The following PLCL1 variants were observed in gnomAD, a reference collection of about 807,000 sequenced individuals.
The protein encoded by PLCL1 is inactive phospholipase C-like protein 1.
In PLCL1, 41 loss-of-function variants were observed where a neutral mutation model predicts 84.4. The observed-to-expected ratio is 0.49, with a 90% CI of 0.38 to 0.63. The LOEUF (loss-of-function observed/expected upper bound fraction) is 0.63, where lower values mean the gene tolerates loss of function less well. PLCL1 is among the 30% of genes least tolerant of loss of function. The pLI, the probability that PLCL1 is intolerant of heterozygous loss-of-function variation, is 0.00. For missense variants in PLCL1, 1,206 were observed against 1,367.8 expected (o/e 0.88, Z 1.87); for synonymous variants, 490 against 488.3 (o/e 1.00, Z -0.05).
intron 1 of PLCL1, among the ~76,000 whole-genome samples, chr2:197,837,875 C>T (rs955415490): frequency 5.3e-5 from 8 of 152,046 alleles, no homozygotes; most frequent in Non-Finnish European, 1.2e-4. Context: ...ACCAGGGAAG[C>T]GAAACAGCAG....
intron 5 of PLCL1, among the ~76,000 whole-genome samples, chr2:198,135,818 C>G (rs1312261074): frequency 6.6e-6 from 1 of 152,184 alleles, no homozygotes; most frequent in Non-Finnish European, 1.5e-5. Flanking sequence ...GATTTCAGCT[C>G]ATTTTTACTT....
At position 198,053,626 on chromosome 2, in the gene PLCL1, A is replaced by T. The variant is rs974546460; in HGVS notation, c.241-30132A>T. On this transcript the variant is annotated intron_variant, in intron 1 of 5. Coordinates refer to ENST00000428675, the MANE Select transcript of PLCL1 (RefSeq NM_006226.4). ...TTTTTAGAATGTTGGAGTGGTTCCT[A>T]TTTCCCTCATTGGACCCTTATTGAT... is the stretch of plus-strand genomic sequence containing the variant. 2.0e-5 allele frequency among the ~76,000 whole-genome samples: 3 copies of T among 152,228 alleles called. No individual in the cohort carries two copies. In the South Asian group the frequency reaches 6.2e-4, roughly 32 times the overall value.
intron 5 of PLCL1, among the ~76,000 whole-genome samples, chr2:198,134,118 T>C (rs1029790884): frequency 2.0e-5 from 3 of 151,966 alleles, no homozygotes; most frequent in African/African-American, 7.3e-5. Context: ...TTGTGTAGGG[T>C]TGAAAAATCT....
chr2:198,016,730 G>C (rs146725125), intron 1 of PLCL1, among the ~76,000 whole-genome samples: 1 of 152,154 alleles, frequency 6.6e-6, no homozygotes, highest in South Asian at 2.1e-4. Context: ...AACTTTGAAC[G>C]AACTTGAGGT....
intron 1 of PLCL1, among the ~76,000 whole-genome samples, chr2:197,938,871 T>G (rs1303783515): frequency 1.3e-5 from 2 of 152,134 alleles, no homozygotes; most frequent in African/African-American, 4.8e-5. Flanking sequence ...TTGTGCAAAG[T>G]TTCATTAATC....
chr2:198,014,845 T>C (rs1690955492), intron 1 of PLCL1, among the ~76,000 whole-genome samples: 1 of 152,154 alleles, frequency 6.6e-6, no homozygotes. Flanking sequence ...AGAAGTGTTC[T>C]ACTTGTGCAA....
At chr2:197,822,032 G>T (rs1257182777) in intron 1 of PLCL1, among the ~76,000 whole-genome samples, 1 of 152,122 alleles carries the variant, frequency 6.6e-6, no homozygotes, top group Non-Finnish European at 1.5e-5. Flanking sequence ...GCTTCAAAAT[G>T]ATGTCTCACA....
At chr2:198,008,439 A>G (rs551431953) in intron 1 of PLCL1, among the ~76,000 whole-genome samples, 2 of 152,178 alleles carry the variant, frequency 1.3e-5, no homozygotes, top group East Asian at 1.9e-4. Flanking sequence ...TAGATACTTC[A>G]TATGAATGGA....
rs1171423252 is a variant in PLCL1, at chr2:198,149,680, C to G, written c.*2718C>G. 6.6e-6 allele frequency: 1 copy of G among 151,880 alleles called. No homozygotes were observed. Among genetic ancestry groups the G allele is most frequent in the East Asian group, 1.9e-4 (1 of 5,184 alleles). 9.4% of individuals were successfully genotyped at this position (151,880 alleles called of 1,614,324 possible). On this transcript the variant is annotated 3_prime_UTR_variant, in exon 6 of 6. Coordinates refer to ENST00000428675, the MANE Select transcript of PLCL1 (RefSeq NM_006226.4). ...TATATACAACAGAAAAGCAAAATTA[C>G]CCACTAATAACATTTTGATTTATAT...
intron 1 of PLCL1, among the ~76,000 whole-genome samples, chr2:197,884,684 C>T (rs1478228460): frequency 6.6e-6 from 1 of 152,106 alleles, no homozygotes; most frequent in Non-Finnish European, 1.5e-5. Flanking sequence ...CCCTTCATTC[C>T]CCATATGCAA....
intron 1 of PLCL1, among the ~76,000 whole-genome samples, chr2:197,908,649 T>C (rs955593243): frequency 6.6e-6 from 1 of 152,208 alleles, no homozygotes; most frequent in African/African-American, 2.4e-5. Context: ...TAAACATAAA[T>C]GTTAATGAAA....
chr2:198,015,237 T>C (rs1051207024), intron 1 of PLCL1, among the ~76,000 whole-genome samples: 1 of 152,250 alleles, frequency 6.6e-6, no homozygotes, highest in African/African-American at 2.4e-5. Context: ...TCTATCTTGT[T>C]CATTTTAGGG....
Position 197,928,297 on chromosome 2 carries a change from T to C in PLCL1, c.240+122958T>C, listed in dbSNP as rs551291017. On this transcript the variant is annotated intron_variant, in intron 1 of 5. Transcript: ENST00000428675. Reference sequence around the variant, plus strand: ...TGTCATGGTTAAATCTCCTTGACTCTGTACTCAGTGGCATTAAGCAAGCAA... The same window carrying C: ...TGTCATGGTTAAATCTCCTTGACTCCGTACTCAGTGGCATTAAGCAAGCAA... Among the ~76,000 whole-genome samples, 7 of 152,332 alleles carry C rather than the reference T, an allele frequency of 4.6e-5. No individual in the cohort carries two copies. In the South Asian group the frequency reaches 1.0e-3, roughly 23 times the overall value.
At chr2:198,036,290 T>C (rs1392096246) in intron 1 of PLCL1, among the ~76,000 whole-genome samples, 1 of 152,216 alleles carries the variant, frequency 6.6e-6, no homozygotes, top group African/African-American at 2.4e-5. Flanking sequence ...CAAAATATGC[T>C]GCTTTTCCAC....
chr2:197,989,782 C>T (rs943092945), intron 1 of PLCL1, among the ~76,000 whole-genome samples: 5 of 151,988 alleles, frequency 3.3e-5, no homozygotes, highest in Non-Finnish European at 7.4e-5. Context: ...TTGTAAAATG[C>T]CTTTGTGAAT....
At chr2:197,810,110 C>A (rs943283312) in intron 1 of PLCL1, 4 of 247,854 alleles carry the variant, frequency 1.6e-5, no homozygotes, top group Non-Finnish European at 3.2e-5. Flanking sequence ...TGCGGCTCTC[C>A]TCCCGAGATG....
At chr2:197,897,161 TC>T (rs1688156985) in intron 1 of PLCL1, among the ~76,000 whole-genome samples, 1 of 39,420 alleles carries the variant, frequency 2.5e-5, no homozygotes, top group Non-Finnish European at 4.5e-5. Context: ...TTCTTCTTCT[TC>T]TTCTTCTTCT....
At chr2:198,086,297 T>A in intron 2 of PLCL1, 65 bp downstream of exon 2, 1 of 1,187,268 alleles carries the variant, frequency 8.4e-7, no homozygotes, top group South Asian at 1.5e-5. Context: ...AATGTTTTAT[T>A]AATAATCTGA....
chr2:198,109,406 T>A (rs1307008977), intron 5 of PLCL1, among the ~76,000 whole-genome samples: 1 of 151,854 alleles, frequency 6.6e-6, no homozygotes, highest in Non-Finnish European at 1.5e-5. Context: ...CAACATGAAT[T>A]TTGGAAGGGA....
Sources: allele counts gnomAD v4.1 joint callset (sites outside exome capture counted in the v4.1 genomes callset), GRCh38; gene constraint gnomAD v4.1.1; transcripts MANE v1.5; gene names NCBI Gene and HGNC (gene_info 2026-07-23, HGNC 2026-07-21).